The following PPFIA3 variants were observed in gnomAD, a reference collection of about 807,000 sequenced individuals.
PPFIA3 encodes the protein liprin-alpha-3.
In PPFIA3, 26 loss-of-function variants were observed where a neutral mutation model predicts 145.8. The ratio of observed to expected loss-of-function variants is 0.18; its 90% CI spans 0.13 to 0.25. The LOEUF is 0.25. Ranked by LOEUF, PPFIA3 falls within the 10% of genes least tolerant of loss-of-function variation. The probability of loss-of-function intolerance (pLI) is 1.00; values close to 1 mark genes in which losing one functional copy is unlikely to be tolerated. For missense variants in PPFIA3, 1,008 were observed against 1,587.8 expected, an observed-to-expected ratio of 0.63 and a Z score of 6.21; for synonymous variants, 645 against 661.4, an observed-to-expected ratio of 0.98 and a Z score of 0.38.
intron 15 of PPFIA3, 82 bp downstream of exon 15, chr19:49,136,993 C>T (rs1160291284): frequency 7.7e-7 from 1 of 1,300,902 alleles, no homozygotes; most frequent in African/African-American, 1.5e-5. Flanking sequence ...GCCTGAAAGC[C>T]TGAGTCCGTC....
intron 21 of PPFIA3, among the ~76,000 whole-genome samples, chr19:49,145,510 T>C (rs1162863046): frequency 1.3e-5 from 2 of 152,174 alleles, no homozygotes; most frequent in African/African-American, 4.8e-5. Context: ...TCACCAGAAG[T>C]ACATAAATGT....
chr19:49,132,266 G>A (rs1265682854), intron 7 of PPFIA3, among the ~76,000 whole-genome samples: 5 of 151,324 alleles, frequency 3.3e-5, no homozygotes, highest in African/African-American at 1.2e-4. Flanking sequence ...GCGGGTGCCT[G>A]TAATCCCAGC....
At position 49,120,623 on chromosome 19, in the gene PPFIA3, T is replaced by C. The variant is rs561513067; in HGVS notation, c.-16+901T>C. On this transcript the variant is annotated intron_variant, in intron 1 of 29. Coordinates refer to ENST00000334186, the MANE Select transcript of PPFIA3 (RefSeq NM_003660.4). The surrounding 1 kb of genome is among the most constrained non-coding windows in gnomAD (Gnocchi z 4.6). ...CGCTGTGCCCTGCAGACACACAGAC[T>C]TAGCCTCCTGGCACCCAGCATCTGC... 6.6e-6 allele frequency among the ~76,000 whole-genome samples: 1 copy of C among 152,250 alleles called. No homozygotes were observed. The highest frequency in any genetic ancestry group is 2.1e-4 in the South Asian group (1 of 4,816).
In PPFIA3 at chr19:49,136,737, C is replaced by T; in HGVS notation, c.1679C>T (p.Ser560Phe). ...KEEPSKDWER[S>F]APAGSIPPPF... ...ACACAGGGATAGGATTGGGAGCGGT[C>T]TGCCCCTGCGGGCTCCATACCACCC... The change falls in exon 15 of 30, where the codon TCT (serine) becomes TTT (phenylalanine). Residue 560 changes from serine (S) to phenylalanine (F), a missense_variant. Physicochemically the swap from Ser to Phe is radical, Grantham distance 155. This residue lies in a region of PPFIA3 where 121 missense variants were observed against 138.2 expected (regional missense o/e 0.88). Transcript: ENST00000334186. The T allele has an allele frequency of 6.5e-7, 1 of 1,535,792 alleles. No individual in the cohort carries two copies. Among genetic ancestry groups the T allele is most frequent in the Non-Finnish European group, 8.8e-7 (1 of 1,135,430 alleles).
At position 49,133,447 on chromosome 19, in the gene PPFIA3, A is replaced by AGC; in HGVS notation, c.1161+77_1161+78insCG. 1 of 1,263,598 alleles carries AGC rather than the reference A, an allele frequency of 7.9e-7. No individual in the cohort carries two copies. The highest frequency in any genetic ancestry group is 1.8e-5 in the African/African-American group (1 of 55,216). 78.3% of individuals were successfully genotyped at this position (1,263,598 alleles called of 1,614,324 possible). A position where few individuals can be genotyped will look rare whatever the true frequency, so the allele number is the denominator to read the frequency against. On this transcript the variant is annotated intron_variant, in intron 9 of 29. Transcript: ENST00000334186. The surrounding 1 kb of genome is among the most constrained non-coding windows in gnomAD (Gnocchi z 7.2). ...AGAGGAGGCGGGGCCGTGAATCTGG[A>AGC]GGGGTAGGAGCGAGGTCAGAACCCC... is the stretch of plus-strand genomic sequence containing the variant.
intron 1 of PPFIA3, among the ~76,000 whole-genome samples, chr19:49,122,714 G>GGTTT (rs1555741934): frequency 7.0e-5 from 8 of 114,852 alleles, no homozygotes; most frequent in Non-Finnish European, 3.6e-5. Flanking sequence ...TTGTTTAGTT[G>GGTTT]TTTTTTTTTT....
At chr19:49,146,054 G>C (rs753364672) in intron 22 of PPFIA3, 49 bp downstream of exon 22, 15 of 1,609,678 alleles carry the variant, frequency 9.3e-6, no homozygotes, top group African/African-American at 1.3e-5. Context: ...ACCTTCTTTG[G>C]GGGTGGGGGC....
At chr19:49,129,560 C>T (rs752472630) in intron 5 of PPFIA3, 106 bp downstream of exon 5, 20 of 1,230,266 alleles carry the variant, frequency 1.6e-5, no homozygotes, top group Non-Finnish European at 2.3e-5. Context: ...TCTATTGGGG[C>T]AGGACTAGGG....
chr19:49,149,370 T>C lies in PPFIA3; in HGVS notation c.3354+45T>C. On this transcript the variant is annotated intron_variant, in intron 27 of 29. Transcript: ENST00000334186. The surrounding 1 kb of genome is among the most constrained non-coding windows in gnomAD (Gnocchi z 5.7). ...AGAGGGCTCTGCTCCCAGCGGCTCC[T>C]CGAGAGGCTGAGCTGAGGGGGCGGG... 2 of 1,607,972 alleles carry C rather than the reference T, an allele frequency of 1.2e-6. No individual in the cohort carries two copies. The highest frequency in any genetic ancestry group is 1.7e-6 in the Non-Finnish European group (2 of 1,175,092).
rs1335188478 is a variant in PPFIA3, at chr19:49,128,330, T to C, written c.241-37T>C. On this transcript the variant is annotated intron_variant, in intron 2 of 29. Coordinates refer to ENST00000334186, the MANE Select transcript of PPFIA3 (RefSeq NM_003660.4). This position sits in a 1 kb window ranked among gnomAD's most constrained non-coding sequence, Gnocchi z 4.1. ...TGAATGAAGGAGACAGGGAAAGGATTGAGCCGAATGTCCAGATCCTGCCAA... is the reference window on the plus strand; with the variant it reads ...TGAATGAAGGAGACAGGGAAAGGATCGAGCCGAATGTCCAGATCCTGCCAA... 1.2e-6 allele frequency: 2 copies of C among 1,604,554 alleles called. No individual in the cohort carries two copies. Among genetic ancestry groups the C allele is most frequent in the Non-Finnish European group, 1.7e-6 (2 of 1,171,612 alleles).
At chr19:49,146,494 G>A in intron 23 of PPFIA3, 2 of 493,680 alleles carry the variant, frequency 4.1e-6, no homozygotes, top group South Asian at 5.1e-5. Flanking sequence ...CTGAGCAGCC[G>A]GTGTCCCTAT....
chr19:49,126,027 C>T (rs140729422), intron 1 of PPFIA3, among the ~76,000 whole-genome samples: 113 of 152,038 alleles, frequency 7.4e-4, no homozygotes, highest in Middle Eastern at 3.4e-3. Context: ...CTTGGCTCAC[C>T]GCAACCTCTG....
chr19:49,125,187 C>T (rs1351333844), intron 1 of PPFIA3, among the ~76,000 whole-genome samples: 2 of 152,214 alleles, frequency 1.3e-5, no homozygotes, highest in African/African-American at 4.8e-5. Context: ...CTCAGATGCA[C>T]CACTTCAAAC....
At chr19:49,146,145 C>G in intron 22 of PPFIA3, 21 bp from the exon 23 acceptor site, 2 of 1,614,200 alleles carry the variant, frequency 1.2e-6, no homozygotes, top group Admixed American at 1.7e-5. Context: ...CTTCTCTCCC[C>G]TCTTCCTACT....
chr19:49,124,952 A>G (rs1448994149), intron 1 of PPFIA3, among the ~76,000 whole-genome samples: 2 of 152,120 alleles, frequency 1.3e-5, no homozygotes, highest in African/African-American at 4.8e-5. Flanking sequence ...CTGTAGTCGC[A>G]GTTACTTGGG....
intron 19 of PPFIA3, 89 bp from the exon 20 acceptor site, chr19:49,141,937 ATGTGTGTG>A (rs113859565): frequency 2.8e-6 from 2 of 711,918 alleles, no homozygotes; most frequent in Non-Finnish European, 4.5e-6. Flanking sequence ...GCGTATGTGC[ATGTGTGTG>A]TGTGTGTATG....
intron 1 of PPFIA3, among the ~76,000 whole-genome samples, chr19:49,123,686 C>A (rs148661035): frequency 7.3e-4 from 111 of 152,196 alleles, no homozygotes; most frequent in African/African-American, 2.6e-3. Context: ...AAATGATCCC[C>A]CGGGCTCAGC....
Position 49,141,601 on chromosome 19 carries a change from AGTGT to A in PPFIA3, c.2462+100_2462+103del, listed in dbSNP as rs147872140. The stretch of plus-strand genomic sequence containing the variant: ...GTGTGTGCGTGTATGTGTGTGTATG[AGTGT>A]GTGTGTGTGTGAGAGGGTGTGTGAG... On this transcript the variant is annotated intron_variant, in intron 19 of 29. Coordinates refer to ENST00000334186, the MANE Select transcript of PPFIA3 (RefSeq NM_003660.4). The A allele has an allele frequency of 2.6e-5, 21 of 823,218 alleles. 1 individual carries two copies. The highest frequency in any genetic ancestry group is 1.3e-4 in the Admixed American group (5 of 38,262). The allele number at this position is 823,218 out of a possible 1,614,324, so 51.0% of individuals were successfully genotyped here. A position where few individuals can be genotyped will look rare whatever the true frequency, so the allele number is the denominator to read the frequency against.
At chr19:49,134,996 TC>T (rs936304524) in intron 13 of PPFIA3, 81 bp downstream of exon 13, 2 of 1,211,432 alleles carry the variant, frequency 1.7e-6, no homozygotes, top group Non-Finnish European at 1.1e-6. Flanking sequence ...GATCCCCACT[TC>T]CTGTCCTCCT....
Sources: allele counts gnomAD v4.1 joint callset (sites outside exome capture counted in the v4.1 genomes callset), GRCh38; gene constraint gnomAD v4.1.1; regional missense constraint gnomAD v4.1.1; non-coding constraint Gnocchi (gnomAD v3.1); transcripts MANE v1.5; gene names NCBI Gene and HGNC (gene_info 2026-07-23, HGNC 2026-07-21).